Variants in EXPH5 observed in about 807,000 individuals in gnomAD.
EXPH5 encodes exophilin-5.
In EXPH5, 42 loss-of-function variants were observed where a neutral mutation model predicts 41.1. The observed-to-expected ratio is 1.02, with a 90% CI of 0.80 to 1.32. EXPH5 has a LOEUF of 1.32. Among genes scored for constraint, EXPH5 ranks in the 40% most tolerant of loss-of-function variants. The pLI is 0.00. For synonymous variants in EXPH5, 798 were observed against 833.5 expected (o/e 0.96, Z 0.73); for missense variants, 2,298 against 2,314.5 (o/e 0.99, Z 0.15).
In EXPH5 at chr11:108,541,653, A is replaced by T; in HGVS notation, c.279T>A (p.Asn93Lys). The T allele has an allele frequency of 1.3e-6, 2 of 1,593,880 alleles. No homozygotes were observed. The highest frequency in any genetic ancestry group is 1.7e-6 in the Non-Finnish European group (2 of 1,170,912). ...TTAAATCTAAAATCTTTTTCTTACC[A>T]TTTTTTGCCATCTCCTTACTTAGCC... ...TYRLSKEMAK[N>K]DPIELPTSRS... The change falls in exon 2 of 6, where the codon AAT (asparagine) becomes AAA (lysine). Residue 93 changes from asparagine (N) to lysine (K), a missense_variant and splice_region_variant. Physicochemically the swap from Asn to Lys is moderately conservative, Grantham distance 94 (BLOSUM62 0). Coordinates refer to ENST00000265843, the MANE Select transcript of EXPH5 (RefSeq NM_015065.3).
At chr11:108,536,334 C>T (rs1222753098) in intron 3 of EXPH5, among the ~76,000 whole-genome samples, 4 of 151,168 alleles carry the variant, frequency 2.6e-5, no homozygotes, top group South Asian at 2.1e-4. Context: ...TGGAGTGCAG[C>T]GGCTCACCGT....
chr11:108,514,897 AC>A (rs1184987120), intron 5 of EXPH5, 22 bp from the exon 6 acceptor site: 4 of 1,381,750 alleles, frequency 2.9e-6, no homozygotes, highest in East Asian at 2.6e-5. Context: ...ATGTGAATCA[AC>A]CTTTTTCTGT....
the EXPH5 span, among the ~76,000 whole-genome samples, chr11:108,607,288 C>G: frequency 6.6e-6 from 1 of 152,118 alleles, no homozygotes; most frequent in Non-Finnish European, 1.5e-5. Flanking sequence ...AATTATTTTT[C>G]AAACTGACTT....
chr11:108,552,262 C>A (rs928055571), intron 1 of EXPH5: 12 of 152,238 alleles, frequency 7.9e-5, no homozygotes, highest in Admixed American at 1.3e-4. Context: ...TATTTGAGAG[C>A]CTTTGTCGCT....
In EXPH5 at chr11:108,541,697, T is replaced by C. The variant is rs754800715; in HGVS notation, c.235A>G (p.Lys79Glu). 4 of 1,612,102 alleles carry C rather than the reference T, an allele frequency of 2.5e-6. No individual in the cohort carries two copies. In the Admixed American group the frequency reaches 5.0e-5, roughly 20 times the overall value. Residue 79 changes from lysine (K) to glutamate (E), a missense_variant, in exon 2 of 6, where the codon AAA becomes GAA. Physicochemically the swap from Lys to Glu is moderately conservative, Grantham distance 56 (BLOSUM62 1). Transcript: ENST00000265843. ...CTTAGCCTGTATGTAAGTGGTTGTT[T>C]TAACATTTGGCTAACATCTGTTTCA... ...CNETDVSQMLKQPLTYRLSKE... is the reference protein window; with the variant it reads ...CNETDVSQMLEQPLTYRLSKE...
intron 1 of EXPH5, among the ~76,000 whole-genome samples, chr11:108,581,682 A>G (rs1197082145): frequency 6.6e-6 from 1 of 152,130 alleles, no homozygotes; most frequent in Non-Finnish European, 1.5e-5. Flanking sequence ...AAACAAAAAC[A>G]ATAAAGAAAA....
rs2093896105 is a variant in EXPH5, at chr11:108,538,910, C to G, written c.443+114G>C. The G allele has an allele frequency of 1.9e-5, 18 of 946,936 alleles. No individual in the cohort carries two copies. The East Asian group carries it at 4.5e-4, about 24-fold the overall frequency. The allele number at this position is 946,936 out of a possible 1,614,324, so 58.7% of individuals were successfully genotyped here. A position where few individuals can be genotyped will look rare whatever the true frequency, so the allele number is the denominator to read the frequency against. ...AGTCCCATTTCCTTTGTTCTTAATA[C>G]CAATTGAATTGAAATTCTAAGAACA... On this transcript the variant is annotated intron_variant, in intron 3 of 5. Transcript: ENST00000265843.
At chr11:108,575,669 G>C (rs143313908) in intron 1 of EXPH5, among the ~76,000 whole-genome samples, 6 of 152,324 alleles carry the variant, frequency 3.9e-5, no homozygotes, top group Non-Finnish European at 5.9e-5. Context: ...GACCACAACT[G>C]TGTTAAAAGT....
intron 5 of EXPH5, among the ~76,000 whole-genome samples, 164 bp from the exon 6 acceptor site, chr11:108,515,039 T>C (rs911076218): frequency 4.6e-5 from 7 of 152,246 alleles, no homozygotes; most frequent in Admixed American, 6.5e-5. Flanking sequence ...TAAGATAGCC[T>C]GACTTTTATA....
chr11:108,527,024 G>C (rs1177108641), intron 4 of EXPH5, among the ~76,000 whole-genome samples: 1 of 152,008 alleles, frequency 6.6e-6, no homozygotes, highest in Non-Finnish European at 1.5e-5. Context: ...GTAGTGTAAA[G>C]AACCTCTGTT....
intron 1 of EXPH5, among the ~76,000 whole-genome samples, chr11:108,572,163 C>T (rs958434858): frequency 3.3e-5 from 5 of 152,086 alleles, no homozygotes; most frequent in Non-Finnish European, 7.4e-5. Context: ...CTTGTGGGCA[C>T]GACAGCATTT....
At chr11:108,592,761 A>G (rs1487912609) in intron 1 of EXPH5, among the ~76,000 whole-genome samples, 1 of 152,216 alleles carries the variant, frequency 6.6e-6, no homozygotes, top group African/African-American at 2.4e-5. Flanking sequence ...AGCACCACGC[A>G]CAAGAAGACC....
intron 1 of EXPH5, among the ~76,000 whole-genome samples, chr11:108,548,406 T>C (rs1434651229): frequency 2.0e-5 from 3 of 152,130 alleles, no homozygotes; most frequent in African/African-American, 7.2e-5. Flanking sequence ...AGAAATGAAA[T>C]TCAGACAGTA....
At position 108,541,688 on chromosome 11, in the gene EXPH5, G is replaced by T; in HGVS notation, c.244C>A (p.Leu82Ile). The T allele has an allele frequency of 3.1e-6, 5 of 1,610,500 alleles. No individual in the cohort carries two copies. The highest frequency in any genetic ancestry group is 4.2e-6 in the Non-Finnish European group (5 of 1,178,736). Residue 82 changes from leucine (L) to isoleucine (I), a missense_variant, in exon 2 of 6, where the codon CTT becomes ATT. Coordinates refer to ENST00000265843, the MANE Select transcript of EXPH5 (RefSeq NM_015065.3). ...ATCTCCTTACTTAGCCTGTATGTAA[G>T]TGGTTGTTTTAACATTTGGCTAACA... ...TDVSQMLKQP[L>I]TYRLSKEMAK...
chr11:108,559,047 AAC>A (rs139680264), intron 1 of EXPH5, among the ~76,000 whole-genome samples: 2,187 of 152,286 alleles, frequency 0.014, 59 homozygotes, highest in African/African-American at 0.048. Context: ...GTTGAGTAAG[AAC>A]AGTTATTTCC....
At chr11:108,517,046 G>A (rs561180579) in intron 5 of EXPH5, among the ~76,000 whole-genome samples, 2 of 152,270 alleles carry the variant, frequency 1.3e-5, no homozygotes, top group African/African-American at 4.8e-5. Flanking sequence ...AGAGCAGAAT[G>A]TATTTAGAAC....
At position 108,505,751 on chromosome 11, in the gene EXPH5, C is replaced by G. The variant is rs1402364625; in HGVS notation, c.*3786G>C. 1 of 152,180 alleles carries G rather than the reference C, an allele frequency of 6.6e-6. No homozygotes were observed. Among genetic ancestry groups the G allele is most frequent in the African/African-American group, 2.4e-5 (1 of 41,436 alleles). The allele number at this position is 152,180 out of a possible 1,614,324, so 9.4% of individuals were successfully genotyped here. On this transcript the variant is annotated 3_prime_UTR_variant, in exon 6 of 6. Coordinates refer to ENST00000265843, the MANE Select transcript of EXPH5 (RefSeq NM_015065.3). ...TCTAAGCAAGAAGTTCTCTTAAACCCTCTGGCACTTAACAAAGAATATTAA... is the reference window on the plus strand; with the variant it reads ...TCTAAGCAAGAAGTTCTCTTAAACCGTCTGGCACTTAACAAAGAATATTAA...
chr11:108,583,514 A>G (rs987851076), intron 1 of EXPH5, among the ~76,000 whole-genome samples: 4 of 151,908 alleles, frequency 2.6e-5, no homozygotes, highest in Non-Finnish European at 5.9e-5. Flanking sequence ...CAAGCAAGAA[A>G]TAGAACCAGA....
intron 1 of EXPH5, among the ~76,000 whole-genome samples, chr11:108,590,640 A>G (rs1014535123): frequency 5.3e-5 from 8 of 152,090 alleles, no homozygotes; most frequent in African/African-American, 1.9e-4. Flanking sequence ...CTTTTTTAAA[A>G]AAAAATGATT....
Sources: allele counts gnomAD v4.1 joint callset (sites outside exome capture counted in the v4.1 genomes callset), GRCh38; gene constraint gnomAD v4.1.1; transcripts MANE v1.5; gene names NCBI Gene and HGNC (gene_info 2026-07-23, HGNC 2026-07-21).